MRC1: variants seen among roughly 807,000 people sequenced by gnomAD.
MRC1 encodes mannose receptor C-type 1.
MRC1 carries 62 observed loss-of-function variants against 102.9 expected under a neutral mutation model. The observed-to-expected ratio is 0.60, with a 90% CI of 0.49 to 0.74. The LOEUF is 0.74. Ranked by LOEUF, MRC1 falls within the 30% of genes least tolerant of loss-of-function variation. The pLI, the probability that MRC1 is intolerant of heterozygous loss-of-function variation, is 0.00. For missense variants in MRC1, 1,237 were observed against 862.8 expected (o/e 1.43, Z -5.43); for synonymous variants, 457 against 298.4 (o/e 1.53, Z -5.48).
In MRC1 at chr10:17,863,514, G is replaced by A. The variant is rs1833215397; in HGVS notation, c.1635-20G>A. On this transcript the variant is annotated intron_variant, in intron 10 of 29. Coordinates refer to ENST00000569591, the MANE Select transcript of MRC1 (RefSeq NM_002438.4). ...AAATGTTTCAAAAACTTAATTGAAT[G>A]TTAATTCTTCTTTTTAAAGATATGA... The A allele has an allele frequency of 3.8e-6, 3 of 780,438 alleles. No homozygotes were observed. Among genetic ancestry groups the A allele is most frequent in the Non-Finnish European group, 7.2e-6 (3 of 417,884 alleles). The allele number at this position is 780,438 out of a possible 1,614,324, so 48.3% of individuals were successfully genotyped here. A position where few individuals can be genotyped will look rare whatever the true frequency, so the allele number is the denominator to read the frequency against.
chr10:17,909,159 A>T, intron 28 of MRC1, 147 bp from the exon 29 acceptor site: 1 of 659,658 alleles, frequency 1.5e-6, no homozygotes, highest in African/African-American at 1.8e-5. Flanking sequence ...TTCTACCTGT[A>T]TTTTTATATC....
rs1838408765 is a variant in MRC1 at position 17,822,367 on chromosome 10, T to A, written c.62-707T>A. Among the ~76,000 whole-genome samples the A allele has an allele frequency of 3.3e-5, 5 of 152,356 alleles. No individual in the cohort carries two copies. In the South Asian group the frequency reaches 1.0e-3, roughly 32 times the overall value. ...GTCTGGGCGAGGTGGCTCCCACTTG[T>A]AATCCTAGTACTTTGAGAGGCTGAA... is the stretch of plus-strand genomic sequence containing the variant. On this transcript the variant is annotated intron_variant, in intron 1 of 29. Transcript: ENST00000569591.
intron 6 of MRC1, among the ~76,000 whole-genome samples, chr10:17,847,175 C>A (rs1323425314): frequency 1.3e-5 from 2 of 152,020 alleles, no homozygotes; most frequent in African/African-American, 4.8e-5. Flanking sequence ...TTTTTGGAAG[C>A]CTTCATTACA....
At chr10:17,821,085 C>CA (rs1402174392) in intron 1 of MRC1, among the ~76,000 whole-genome samples, 1 of 152,110 alleles carries the variant, frequency 6.6e-6, no homozygotes, top group Non-Finnish European at 1.5e-5. Context: ...GAGAAGCCAG[C>CA]AGAGGCAGGT....
chr10:17,813,456 A>T (rs1218590146), intron 1 of MRC1, among the ~76,000 whole-genome samples: 1 of 152,096 alleles, frequency 6.6e-6, no homozygotes, highest in African/African-American at 2.4e-5. Flanking sequence ...ATTCCAATAT[A>T]AATGTATGTC....
Position 17,910,261 on chromosome 10 carries a change from C to G in MRC1, c.4167C>G (p.Ala1389=). ...CTTCTAAACCGTCTTCCAACGTGGC[C>G]GGAGTAGTCATCATTGTGATCCTCC... ...MDPSKPSSNV[A]GVVIIVILLI... Residue 1389 remains alanine (A), a synonymous_variant, in exon 30 of 30, where the codon GCC becomes GCG. Transcript: ENST00000569591. 2 of 780,816 alleles carry G rather than the reference C, an allele frequency of 2.6e-6. No individual in the cohort carries two copies. Among genetic ancestry groups the G allele is most frequent in the Non-Finnish European group, 2.4e-6 (1 of 417,942 alleles). 48.4% of individuals were successfully genotyped at this position (780,816 alleles called of 1,614,324 possible).
chr10:17,900,257 C>G (rs1589196172), intron 24 of MRC1, among the ~76,000 whole-genome samples: 2 of 148,446 alleles, frequency 1.3e-5, no homozygotes, highest in African/African-American at 2.4e-5. Flanking sequence ...TAAGGCTTCT[C>G]TCTTCCATAC....
intron 1 of MRC1, among the ~76,000 whole-genome samples, chr10:17,810,520 C>T (rs1281280021): frequency 2.6e-5 from 4 of 152,122 alleles, no homozygotes; most frequent in African/African-American, 7.2e-5. Context: ...CAAGTGAAGG[C>T]GGTATGGTTT....
At chr10:17,851,708 T>C (rs1424593519) in intron 7 of MRC1, among the ~76,000 whole-genome samples, 1 of 152,242 alleles carries the variant, frequency 6.6e-6, no homozygotes, top group Non-Finnish European at 1.5e-5. Flanking sequence ...TGAGGTCACT[T>C]TGAAGCCTGC....
At position 17,856,314 on chromosome 10, in the gene MRC1, G is replaced by A. The variant is rs913798931; in HGVS notation, c.1480G>A (p.Gly494Ser). 2.3e-6 allele frequency: 2 copies of A among 861,220 alleles called. No individual in the cohort carries two copies. The highest frequency in any genetic ancestry group is 4.0e-6 in the Non-Finnish European group (2 of 496,226). 53.3% of individuals were successfully genotyped at this position (861,220 alleles called of 1,614,324 possible). Residue 494 changes from glycine to serine, a missense_variant, in exon 9 of 30, where the codon GGT becomes AGT. Transcript: ENST00000569591. ...YICKMKSRSQGPEIVEVEKGC... is the reference protein window; with the variant it reads ...YICKMKSRSQSPEIVEVEKGC... Reference sequence around the variant, plus strand: ...CTGCAAGATGAAATCACGAAGCCAAGGTCCAGAAATAGTGGAAGTCGAAAA... The same window carrying A: ...CTGCAAGATGAAATCACGAAGCCAAAGTCCAGAAATAGTGGAAGTCGAAAA...
At chr10:17,814,680 T>C (rs1838279490) in intron 1 of MRC1, among the ~76,000 whole-genome samples, 1 of 91,084 alleles carries the variant, frequency 1.1e-5, no homozygotes, top group Non-Finnish European at 2.7e-5. Flanking sequence ...CGTCCCTCTT[T>C]TTTTTTTTTT....
chr10:17,905,706 C>T (rs965676392), intron 26 of MRC1, among the ~76,000 whole-genome samples: 9,789 of 152,008 alleles, frequency 0.064, 1,050 homozygotes, highest in African/African-American at 0.22. Flanking sequence ...GAAAACAAGG[C>T]GATAATTCAG....
intron 1 of MRC1, among the ~76,000 whole-genome samples, chr10:17,813,183 G>A (rs1554837565): frequency 1.3e-5 from 2 of 152,088 alleles, no homozygotes; most frequent in Non-Finnish European, 2.9e-5. Context: ...TTTGCTCAAC[G>A]GCTTGTACTT....
intron 23 of MRC1, among the ~76,000 whole-genome samples, chr10:17,897,417 A>G (rs1833770691): frequency 1.3e-5 from 2 of 152,180 alleles, no homozygotes; most frequent in African/African-American, 4.8e-5. Context: ...TTTGGATAAG[A>G]TTATGGGAGG....
chr10:17,851,480 C>G (rs1033169061), intron 7 of MRC1, among the ~76,000 whole-genome samples: 12 of 151,882 alleles, frequency 7.9e-5, no homozygotes, highest in African/African-American at 2.9e-4. Flanking sequence ...ATGATTATAC[C>G]AATGAATACA....
chr10:17,866,664 CAGA>C lies in MRC1; in HGVS notation c.1889_1891del (p.Glu630del). 1.3e-6 allele frequency: 1 copy of C among 780,780 alleles called. No homozygotes were observed. The highest frequency in any genetic ancestry group is 2.3e-4 in the Middle Eastern group (1 of 4,436). 48.4% of individuals were successfully genotyped at this position (780,780 alleles called of 1,614,324 possible). On this transcript the variant is annotated inframe_deletion, in exon 12 of 30. Transcript: ENST00000569591. ...GCAAAATTTGTGTGCAAGCACTGGG[CAGA>C]AGGAGTAACCCACCCACCGAAGCCC...
intron 25 of MRC1, 54 bp downstream of exon 25, chr10:17,901,007 C>G: frequency 5.3e-6 from 4 of 757,132 alleles, no homozygotes; most frequent in Non-Finnish European, 7.4e-6. Context: ...GAATAAGCTA[C>G]TACATACCAC....
intron 23 of MRC1, among the ~76,000 whole-genome samples, chr10:17,896,284 T>C (rs1451210019): frequency 6.6e-6 from 1 of 152,196 alleles, no homozygotes; most frequent in East Asian, 1.9e-4. Flanking sequence ...CCATCTAAGA[T>C]ACTTTCAGAT....
chr10:17,871,909 T>C (rs1833359896), intron 14 of MRC1, 73 bp from the exon 15 acceptor site: 4 of 740,708 alleles, frequency 5.4e-6, no homozygotes, highest in Non-Finnish European at 2.5e-6. Context: ...TCTTTCGTTT[T>C]CTGTTTGGAT....
Sources: allele counts gnomAD v4.1 joint callset (sites outside exome capture counted in the v4.1 genomes callset), GRCh38; gene constraint gnomAD v4.1.1; transcripts MANE v1.5; gene names NCBI Gene and HGNC (gene_info 2026-07-23, HGNC 2026-07-21).